HDAC4: variants seen among roughly 807,000 people sequenced by gnomAD.
HDAC4 encodes the protein histone deacetylase A.
A neutral mutation model predicts 135.1 loss-of-function variants in HDAC4; 16 were observed. The observed-to-expected ratio is 0.12, with a 90% confidence interval of 0.08 to 0.18. HDAC4 has a LOEUF of 0.18. Ranked by LOEUF, HDAC4 falls within the 10% of genes least tolerant of loss-of-function variation. The pLI is 1.00. For synonymous variants in HDAC4, 685 were observed against 653.4 expected (o/e 1.05, Z -0.74); for missense variants, 1,143 against 1,511.8 (o/e 0.76, Z 4.05).
chr2:239,283,444 C>T (rs754446467), intron 2 of HDAC4, among the ~76,000 whole-genome samples: 5 of 152,170 alleles, frequency 3.3e-5, no homozygotes, highest in African/African-American at 1.2e-4. Context: ...TCAGTGCCGA[C>T]GAGGCTGCAG....
chr2:239,234,279 C>G (rs11689916), intron 3 of HDAC4, among the ~76,000 whole-genome samples: 1 of 152,196 alleles, frequency 6.6e-6, no homozygotes, highest in East Asian at 1.9e-4. Flanking sequence ...ACTCCCACCA[C>G]GCCCACCAAC....
At chr2:239,357,727 T>A (rs1238778323) in intron 1 of HDAC4, among the ~76,000 whole-genome samples, 14 of 148,404 alleles carry the variant, frequency 9.4e-5, no homozygotes, top group African/African-American at 2.2e-4. Flanking sequence ...CGACAAAAAA[T>A]AATAAAAAAA....
rs138402462 is a variant in HDAC4, at chr2:239,361,958, A to G, written c.-219-9040T>C. Among the ~76,000 whole-genome samples the G allele has an allele frequency of 9.4e-3, 1,437 of 152,352 alleles. 10 individuals carry two copies. Among genetic ancestry groups the G allele is most frequent in the Non-Finnish European group, 0.016 (1,091 of 68,028 alleles). The stretch of plus-strand genomic sequence containing the variant: ...AGCACATGCTACTAAGATCTCAAGG[A>G]TCCATTTGTTTCTGAAGGACGTTTG... On this transcript the variant is annotated intron_variant, in intron 1 of 26. Coordinates refer to ENST00000543185, the MANE Select transcript of HDAC4 (RefSeq NM_001378414.1).
At chr2:239,225,482 G>T (rs936078508) in intron 3 of HDAC4, among the ~76,000 whole-genome samples, 1 of 152,244 alleles carries the variant, frequency 6.6e-6, no homozygotes, top group East Asian at 1.9e-4. Context: ...GTAAAGCATA[G>T]CTGGACTCCC....
At chr2:239,292,903 A>T (rs1355118220) in intron 2 of HDAC4, among the ~76,000 whole-genome samples, 3 of 152,248 alleles carry the variant, frequency 2.0e-5, no homozygotes, top group Non-Finnish European at 4.4e-5. Flanking sequence ...AACCTTGCTC[A>T]GGCCTTTCAG....
chr2:239,111,480 T>C (rs564612273), intron 14 of HDAC4, 46 bp downstream of exon 14: 2 of 1,566,442 alleles, frequency 1.3e-6, no homozygotes, highest in African/African-American at 1.4e-5. Context: ...CTGTGCCCAC[T>C]GTGGCCCGCG....
At chr2:239,208,326 C>CAAAAAAAAAAAAA (rs759398313) in intron 3 of HDAC4, among the ~76,000 whole-genome samples, 7 of 68,204 alleles carry the variant, frequency 1.0e-4, no homozygotes, top group African/African-American at 3.1e-4. Flanking sequence ...GACTCCGTCC[C>CAAAAAAAAAAAAA]AAAAAAAAAA....
intron 2 of HDAC4, among the ~76,000 whole-genome samples, chr2:239,312,472 A>G (rs1478954722): frequency 6.6e-6 from 1 of 152,152 alleles, no homozygotes; most frequent in African/African-American, 2.4e-5. Flanking sequence ...TTCTTCCTCA[A>G]TTGTTGGAAA....
intron 4 of HDAC4, among the ~76,000 whole-genome samples, chr2:239,177,287 C>T (rs1477260757): frequency 6.6e-6 from 1 of 152,222 alleles, no homozygotes; most frequent in East Asian, 1.9e-4. Context: ...TCCAGATCCG[C>T]ACATTCCACC....
intron 4 of HDAC4, among the ~76,000 whole-genome samples, chr2:239,178,085 T>C (rs527537551): frequency 6.6e-6 from 1 of 152,320 alleles, no homozygotes; most frequent in Admixed American, 6.5e-5. Flanking sequence ...GCACACACTT[T>C]CCTCGGCTTC....
chr2:239,324,269 T>C (rs1034206910), intron 2 of HDAC4, among the ~76,000 whole-genome samples: 4 of 152,218 alleles, frequency 2.6e-5, no homozygotes, highest in Non-Finnish European at 4.4e-5. Flanking sequence ...AACACAGCCC[T>C]GAGCCATCCT....
chr2:239,239,776 G>C (rs1575495060), intron 2 of HDAC4, among the ~76,000 whole-genome samples: 1 of 152,364 alleles, frequency 6.6e-6, no homozygotes, highest in South Asian at 2.1e-4. Context: ...TGCTCGAAGG[G>C]AAAGCTGTTC....
rs1348356545 is a variant in HDAC4, at chr2:239,048,340, A to G, written c.*4757T>C. On this transcript the variant is annotated 3_prime_UTR_variant, in exon 27 of 27. Coordinates refer to ENST00000543185, the MANE Select transcript of HDAC4 (RefSeq NM_001378414.1). ...CAAGACAAGAATGAGAAAACCAAAC[A>G]CAAAACCTCCAACTCCACTGAGCAA... 1 of 152,286 alleles carries G rather than the reference A, an allele frequency of 6.6e-6. No homozygotes were observed. Among genetic ancestry groups the G allele is most frequent in the Non-Finnish European group, 1.5e-5 (1 of 68,064 alleles). 9.4% of individuals were successfully genotyped at this position (152,286 alleles called of 1,614,324 possible).
At chr2:239,258,821 A>G (rs146430867) in intron 2 of HDAC4, among the ~76,000 whole-genome samples, 5 of 152,382 alleles carry the variant, frequency 3.3e-5, no homozygotes, top group African/African-American at 9.6e-5. Context: ...CTAGGCAATC[A>G]TGTTCAATGT....
intron 1 of HDAC4, among the ~76,000 whole-genome samples, chr2:239,381,589 T>A (rs1162453591): frequency 1.3e-5 from 2 of 152,218 alleles, no homozygotes; most frequent in Non-Finnish European, 2.9e-5. Flanking sequence ...GACTGTACAG[T>A]GGAACAAAAT....
chr2:239,137,680 A>G (rs2041068612), intron 9 of HDAC4, among the ~76,000 whole-genome samples: 1 of 152,088 alleles, frequency 6.6e-6, no homozygotes, highest in Admixed American at 6.5e-5. Flanking sequence ...CAAGCTCACT[A>G]CACTCTGCAC....
chr2:239,288,515 T>C (rs1322202206), intron 2 of HDAC4, among the ~76,000 whole-genome samples: 1 of 152,152 alleles, frequency 6.6e-6, no homozygotes, highest in Admixed American at 6.5e-5. Context: ...ACTAGCATCG[T>C]TACTTTAACA....
chr2:239,373,621 G>A (rs963522965), intron 1 of HDAC4, among the ~76,000 whole-genome samples: 3 of 152,104 alleles, frequency 2.0e-5, no homozygotes, highest in East Asian at 1.9e-4. Context: ...GCACCACCAC[G>A]CCCAGCTAAT....
chr2:239,375,139 A>G (rs1172435950), intron 1 of HDAC4, among the ~76,000 whole-genome samples: 1 of 152,162 alleles, frequency 6.6e-6, no homozygotes, highest in East Asian at 1.9e-4. Flanking sequence ...TGTGAAGAAC[A>G]CTGACATTGG....
Sources: gnomAD v4.1 joint callset for allele counts (sites outside exome capture counted in the v4.1 genomes callset) on GRCh38, gnomAD v4.1.1 for gene constraint, MANE v1.5 for transcripts, NCBI Gene and HGNC (gene_info 2026-07-23, HGNC 2026-07-21) for gene names.